Variants in SWAP70 observed in about 807,000 individuals in gnomAD.
SWAP70 encodes switch-associated protein 70.
SWAP70 carries 34 observed loss-of-function variants against 80.2 expected under a neutral mutation model. The ratio of observed to expected loss-of-function variants is 0.42; its 90% CI spans 0.32 to 0.56. The LOEUF (loss-of-function observed/expected upper bound fraction) is 0.56. SWAP70 is among the 20% of genes least tolerant of loss of function. The probability of loss-of-function intolerance (pLI) is 0.09; values close to 1 mark genes in which losing one functional copy is unlikely to be tolerated. For missense variants in SWAP70, 578 were observed against 690.7 expected (o/e 0.84, Z 1.83); for synonymous variants, 239 against 238.5 (o/e 1.00, Z -0.02).
At chr11:9,729,706 C>G (rs1383577254) in intron 6 of SWAP70, among the ~76,000 whole-genome samples, 1 of 152,106 alleles carries the variant, frequency 6.6e-6, no homozygotes, top group African/African-American at 2.4e-5. Flanking sequence ...GTTGGTCACG[C>G]TGGTCTCAAT....
intron 1 of SWAP70, among the ~76,000 whole-genome samples, chr11:9,692,295 CTT>C (rs2134445873): frequency 6.6e-6 from 1 of 150,588 alleles, no homozygotes; most frequent in Admixed American, 6.6e-5. Context: ...TTTAAAAAAA[CTT>C]AATACAAAGA....
At chr11:9,724,590 A>G (rs419412) in intron 3 of SWAP70, 68 bp from the exon 4 acceptor site, 401,711 of 1,184,976 alleles carry the variant, frequency 0.34, 69,495 homozygotes, top group Non-Finnish European at 0.36. Flanking sequence ...AGTGTTTATA[A>G]CATAAATACA....
At chr11:9,689,389 G>A (rs1850668905) in intron 1 of SWAP70, among the ~76,000 whole-genome samples, 1 of 152,226 alleles carries the variant, frequency 6.6e-6, no homozygotes, top group Admixed American at 6.5e-5. Flanking sequence ...GCCCTGCAGA[G>A]GCAACTGCAG....
intron 1 of SWAP70, among the ~76,000 whole-genome samples, chr11:9,691,653 G>A (rs1850699110): frequency 6.6e-6 from 1 of 152,188 alleles, no homozygotes; most frequent in Admixed American, 6.5e-5. Context: ...TTACTGGAGA[G>A]TGCTGGACCA....
intron 1 of SWAP70, among the ~76,000 whole-genome samples, chr11:9,670,539 T>TTTGG (rs1850363101): frequency 6.6e-6 from 1 of 151,840 alleles, no homozygotes; most frequent in South Asian, 2.1e-4. Context: ...CAGTAAGGAA[T>TTTGG]TTGGTAGTTG....
intron 1 of SWAP70, among the ~76,000 whole-genome samples, chr11:9,670,433 A>G (rs1000102736): frequency 6.6e-6 from 1 of 152,196 alleles, no homozygotes; most frequent in African/African-American, 2.4e-5. Context: ...TTTGAACACG[A>G]AAAGTTTTTT....
intron 2 of SWAP70, among the ~76,000 whole-genome samples, chr11:9,697,184 T>G (rs1186290000): frequency 6.6e-6 from 1 of 152,040 alleles, no homozygotes; most frequent in East Asian, 1.9e-4. Context: ...TAAAATAGTT[T>G]AATGTCTTTT....
intron 2 of SWAP70, among the ~76,000 whole-genome samples, chr11:9,707,879 A>G (rs554474536): frequency 1.5e-5 from 2 of 136,378 alleles, no homozygotes; most frequent in East Asian, 3.9e-4. Context: ...AAAAAATTTA[A>G]AAAAAAATTT....
At chr11:9,745,433 G>A (rs528311742) in intron 9 of SWAP70, among the ~76,000 whole-genome samples, 17 of 152,232 alleles carry the variant, frequency 1.1e-4, no homozygotes, top group Non-Finnish European at 2.4e-4. Context: ...CTAGAATGAT[G>A]ATTTTAGACC....
At chr11:9,693,854 G>T (rs1253624074) in intron 1 of SWAP70, among the ~76,000 whole-genome samples, 3 of 151,738 alleles carry the variant, frequency 2.0e-5, no homozygotes, top group Non-Finnish European at 4.4e-5. Flanking sequence ...TTCTGATGTG[G>T]ACAAATTAGT....
At position 9,724,764 on chromosome 11, in the gene SWAP70, C is replaced by T; in HGVS notation, c.521C>T (p.Ser174Phe). ...INFDDSKNGL[S>F]AWELIELIGN... ...TTTGATGACAGTAAAAATGGCCTTTCTGCATGGGAACTTATTGAGCTTATT... is the reference window on the plus strand; with the variant it reads ...TTTGATGACAGTAAAAATGGCCTTTTTGCATGGGAACTTATTGAGCTTATT... The change falls in exon 4 of 12, where the codon TCT becomes TTT. Residue 174 changes from serine to phenylalanine, a missense_variant. Physicochemically the swap from Ser to Phe is radical, Grantham distance 155. Transcript: ENST00000318950. 6.2e-7 allele frequency: 1 copy of T among 1,614,120 alleles called. No individual in the cohort carries two copies. Among genetic ancestry groups the T allele is most frequent in the Non-Finnish European group, 8.5e-7 (1 of 1,179,996 alleles).
At chr11:9,691,860 T>G (rs1230694699) in intron 1 of SWAP70, among the ~76,000 whole-genome samples, 1 of 152,258 alleles carries the variant, frequency 6.6e-6, no homozygotes, top group African/African-American at 2.4e-5. Context: ...ATGGGAGAGA[T>G]GGTGTTTTTT....
chr11:9,682,669 C>T lies in SWAP70; in HGVS notation c.100-11477C>T, dbSNP rs73410110. Among the ~76,000 whole-genome samples the T allele has an allele frequency of 2.2e-3, 342 of 152,024 alleles. 1 individual carries two copies. The highest frequency in any genetic ancestry group is 7.3e-3 in the African/African-American group (304 of 41,490). On this transcript the variant is annotated intron_variant, in intron 1 of 11. Transcript: ENST00000318950. The stretch of plus-strand genomic sequence containing the variant: ...GATTCATAAACACAGAATGTCTTGT[C>T]TTTATTTTTATTTTTATTTTTTTTT...
intron 1 of SWAP70, among the ~76,000 whole-genome samples, chr11:9,668,758 G>T (rs1167303369): frequency 6.6e-6 from 1 of 152,120 alleles, no homozygotes; most frequent in African/African-American, 2.4e-5. Context: ...AAAATGTATT[G>T]CTTTGGAAAG....
intron 9 of SWAP70, chr11:9,741,263 AAAAT>A (rs1851434913): frequency 1.3e-5 from 2 of 152,256 alleles, no homozygotes; most frequent in South Asian, 2.1e-4. Context: ...AGTGACTTCA[AAAAT>A]AAATAAATTG....
At chr11:9,675,493 A>G (rs1054445102) in intron 1 of SWAP70, among the ~76,000 whole-genome samples, 9 of 151,886 alleles carry the variant, frequency 5.9e-5, no homozygotes, top group African/African-American at 2.2e-4. Flanking sequence ...TACATAAACT[A>G]CAATAGAAAC....
intron 1 of SWAP70, among the ~76,000 whole-genome samples, chr11:9,686,744 A>T (rs975156816): frequency 6.6e-6 from 1 of 152,152 alleles, no homozygotes; most frequent in Non-Finnish European, 1.5e-5. Context: ...GAACTCTTTC[A>T]TTGTGTTGAT....
chr11:9,747,217 TG>T (rs1851523517), intron 9 of SWAP70, among the ~76,000 whole-genome samples: 1 of 152,240 alleles, frequency 6.6e-6, no homozygotes, highest in Non-Finnish European at 1.5e-5. Context: ...TTAAACCCTT[TG>T]GTTTTTCATT....
chr11:9,717,756 G>A (rs1388539434), intron 3 of SWAP70, among the ~76,000 whole-genome samples: 1 of 152,116 alleles, frequency 6.6e-6, no homozygotes, highest in Non-Finnish European at 1.5e-5. Flanking sequence ...TGGATGTGGG[G>A]TGGGTCTCTT....
Sources: allele counts gnomAD v4.1 joint callset (sites outside exome capture counted in the v4.1 genomes callset), GRCh38; gene constraint gnomAD v4.1.1; transcripts MANE v1.5; gene names NCBI Gene and HGNC (gene_info 2026-07-23, HGNC 2026-07-21).